The following TENT2 variants were observed in gnomAD, a reference collection of about 807,000 sequenced individuals.
TENT2 encodes poly(A) RNA polymerase GLD2.
TENT2 carries 44 observed loss-of-function variants against 72.2 expected under a neutral mutation model. The observed-to-expected ratio is 0.61, with a 90% CI of 0.48 to 0.78. TENT2 has a LOEUF of 0.78. Among genes scored for constraint, TENT2 ranks in the 30% least tolerant of loss-of-function variants. The pLI, the probability that TENT2 is intolerant of heterozygous loss-of-function variation, is 0.00. For synonymous variants in TENT2, 212 were observed against 192.5 expected (o/e 1.10, Z -0.84); for missense variants, 541 against 569.6 (o/e 0.95, Z 0.51).
chr5:79,646,843 A>G (rs987677185), intron 8 of TENT2, among the ~76,000 whole-genome samples: 18 of 150,230 alleles, frequency 1.2e-4, no homozygotes, highest in Admixed American at 3.3e-4. Context: ...ATCATAGCTC[A>G]CTGTAACCTC....
At chr5:79,646,214 A>G (rs983222850) in intron 8 of TENT2, among the ~76,000 whole-genome samples, 1 of 152,160 alleles carries the variant, frequency 6.6e-6, no homozygotes, top group Admixed American at 6.6e-5. Flanking sequence ...ATGGTGCCCT[A>G]TGGAGAAAAT....
intron 4 of TENT2, among the ~76,000 whole-genome samples, chr5:79,627,144 A>AG (rs397970865): frequency 6.6e-6 from 1 of 151,444 alleles, no homozygotes; most frequent in Non-Finnish European, 1.5e-5. Context: ...AAAAAAAAAA[A>AG]TCTTTTACTG....
intron 4 of TENT2, among the ~76,000 whole-genome samples, chr5:79,637,349 T>C (rs537249900): frequency 2.0e-5 from 3 of 152,338 alleles, no homozygotes; most frequent in East Asian, 1.9e-4. Flanking sequence ...TTTCCCATGC[T>C]TACCTCTTTC....
intron 4 of TENT2, among the ~76,000 whole-genome samples, chr5:79,631,760 A>G (rs1391301353): frequency 1.3e-5 from 2 of 152,176 alleles, no homozygotes; most frequent in East Asian, 3.9e-4. Context: ...AAAGAGGTTG[A>G]CCACTCTGGA....
chr5:79,659,979 A>C (rs1025077848), intron 11 of TENT2, among the ~76,000 whole-genome samples: 2 of 152,138 alleles, frequency 1.3e-5, no homozygotes, highest in Non-Finnish European at 2.9e-5. Context: ...TTACTTTACA[A>C]AGGAAACCGC....
At chr5:79,631,477 G>A (rs1775436521) in intron 4 of TENT2, among the ~76,000 whole-genome samples, 1 of 152,194 alleles carries the variant, frequency 6.6e-6, no homozygotes, top group Admixed American at 6.5e-5. Flanking sequence ...GAATTCAGAG[G>A]TTATTCATTG....
chr5:79,653,587 A>G (rs946107542), intron 10 of TENT2, among the ~76,000 whole-genome samples: 1 of 152,206 alleles, frequency 6.6e-6, no homozygotes, highest in Non-Finnish European at 1.5e-5. Context: ...TTTTTGACAG[A>G]GTAGTCCCAT....
At position 79,623,380 on chromosome 5, in the gene TENT2, C is replaced by G; in HGVS notation, c.356C>G (p.Pro119Arg). 6.2e-7 allele frequency: 1 copy of G among 1,613,432 alleles called. No homozygotes were observed. The highest frequency in any genetic ancestry group is 2.2e-5 in the East Asian group (1 of 44,838). ...GGTGAACGAAGATACTCAATGCCACCATTGTTTCATACACATTATGTACCA... is the reference window on the plus strand; with the variant it reads ...GGTGAACGAAGATACTCAATGCCACGATTGTTTCATACACATTATGTACCA... ...LSGERRYSMP[P>R]LFHTHYVPDI... Residue 119 changes from proline to arginine, a missense_variant, in exon 4 of 15, where the codon CCA (proline) becomes CGA (arginine). Transcript: ENST00000453514.
At position 79,622,439 on chromosome 5, in the gene TENT2, C is replaced by G. The variant is rs573564456; in HGVS notation, c.228-813C>G. On this transcript the variant is annotated intron_variant, in intron 3 of 14. Coordinates refer to ENST00000453514, the MANE Select transcript of TENT2 (RefSeq NM_001114394.3). Reference sequence around the variant, plus strand: ...TGTCTTTTTTCCCAACAAATACTTACTCTTTAATGATTTTTCCCTTTTTAT... The same window carrying G: ...TGTCTTTTTTCCCAACAAATACTTAGTCTTTAATGATTTTTCCCTTTTTAT... Among the ~76,000 whole-genome samples, 37 of 152,300 alleles carry G rather than the reference C, an allele frequency of 2.4e-4. No individual in the cohort carries two copies. In the East Asian group the frequency reaches 6.0e-3, roughly 25 times the overall value.
chr5:79,668,807 A>G, intron 11 of TENT2, 85 bp from the exon 12 acceptor site: 1 of 1,420,922 alleles, frequency 7.0e-7, no homozygotes, highest in Non-Finnish European at 9.4e-7. Flanking sequence ...TCTTTTTCAA[A>G]GAGGAGCCTA....
Position 79,685,345 on chromosome 5 carries a change from A to G in TENT2, c.*72A>G. ...AGTTTCATCATAATACATTATGTTT[A>G]CCTCCATCATAGTTGCTTTTTTCAT... On this transcript the variant is annotated 3_prime_UTR_variant, in exon 15 of 15. Coordinates refer to ENST00000453514, the MANE Select transcript of TENT2 (RefSeq NM_001114394.3). 1 of 1,109,722 alleles carries G rather than the reference A, an allele frequency of 9.0e-7. No individual in the cohort carries two copies. Among genetic ancestry groups the G allele is most frequent in the East Asian group, 2.6e-5 (1 of 37,772 alleles). The allele number at this position is 1,109,722 out of a possible 1,614,324, so 68.7% of individuals were successfully genotyped here.
chr5:79,665,883 A>C (rs1807258195), intron 11 of TENT2, among the ~76,000 whole-genome samples: 1 of 151,992 alleles, frequency 6.6e-6, no homozygotes, highest in Non-Finnish European at 1.5e-5. Context: ...ATATTAGTTT[A>C]AGTTCTGAAC....
At chr5:79,684,786 T>A (rs1249920667) in intron 14 of TENT2, among the ~76,000 whole-genome samples, 1 of 152,272 alleles carries the variant, frequency 6.6e-6, no homozygotes, top group Admixed American at 6.5e-5. Context: ...ATGGAGTTTT[T>A]AAATAACATT....
chr5:79,656,923 G>A, intron 10 of TENT2, 35 bp from the exon 11 acceptor site: 1 of 1,551,450 alleles, frequency 6.4e-7, no homozygotes. Context: ...TGAGTCACGT[G>A]AATCACGGAA....
intron 2 of TENT2, 75 bp from the exon 3 acceptor site, chr5:79,619,919 T>G: frequency 6.8e-7 from 1 of 1,463,828 alleles, no homozygotes; most frequent in South Asian, 1.3e-5. Context: ...TGTATTTAAT[T>G]TTTTTTCAGA....
chr5:79,616,015 A>C (rs895694055), intron 1 of TENT2, among the ~76,000 whole-genome samples: 1 of 151,932 alleles, frequency 6.6e-6, no homozygotes, highest in South Asian at 2.1e-4. Context: ...CAGCCTCCCA[A>C]GTAGCTGGGA....
intron 3 of TENT2, 136 bp from the exon 4 acceptor site, chr5:79,623,116 T>C (rs1426994554): frequency 3.0e-5 from 18 of 592,542 alleles, no homozygotes; most frequent in African/African-American, 3.0e-4. Context: ...AAGATCCATA[T>C]AAAGCTAATA....
chr5:79,635,209 A>G (rs768427796), intron 4 of TENT2, among the ~76,000 whole-genome samples: 6 of 152,286 alleles, frequency 3.9e-5, no homozygotes, highest in Non-Finnish European at 5.9e-5. Flanking sequence ...TTAAAGCACC[A>G]GAAATGTTGT....
At chr5:79,638,811 C>G (rs1298481067) in intron 4 of TENT2, among the ~76,000 whole-genome samples, 1 of 152,080 alleles carries the variant, frequency 6.6e-6, no homozygotes, top group Non-Finnish European at 1.5e-5. Flanking sequence ...GGTTTGATCT[C>G]TTTGATTTAT....
Sources: gnomAD v4.1 joint callset for allele counts (sites outside exome capture counted in the v4.1 genomes callset) on GRCh38, gnomAD v4.1.1 for gene constraint, MANE v1.5 for transcripts, NCBI Gene and HGNC (gene_info 2026-07-23, HGNC 2026-07-21) for gene names.